RPH3A: variants seen among roughly 807,000 people sequenced by gnomAD.
RPH3A encodes the protein rabphilin 3A.
A neutral mutation model predicts 102.2 loss-of-function variants in RPH3A; 48 were observed. The observed-to-expected ratio is 0.47, with a 90% confidence interval of 0.37 to 0.60. The LOEUF (loss-of-function observed/expected upper bound fraction) is 0.60, where lower values mean the gene tolerates loss of function less well. Ranked by LOEUF, RPH3A falls within the 20% of genes least tolerant of loss-of-function variation. RPH3A has a pLI of 0.00. For synonymous variants in RPH3A, 310 were observed against 324.3 expected, an observed-to-expected ratio of 0.96 and a Z score of 0.47; for missense variants, 781 against 910.1, an observed-to-expected ratio of 0.86 and a Z score of 1.83.
intron 2 of RPH3A, among the ~76,000 whole-genome samples, chr12:112,798,076 A>T (rs530991759): frequency 6.6e-6 from 1 of 152,236 alleles, no homozygotes; most frequent in African/African-American, 2.4e-5. Flanking sequence ...AGGCTGCTGT[A>T]TGCAATGTCA....
intron 1 of RPH3A, among the ~76,000 whole-genome samples, chr12:112,648,029 T>C (rs920285811): frequency 6.6e-6 from 1 of 152,158 alleles, no homozygotes; most frequent in African/African-American, 2.4e-5. Flanking sequence ...AAAAATCAAT[T>C]TGGTTTTCTT....
intron 1 of RPH3A, among the ~76,000 whole-genome samples, chr12:112,714,356 A>C (rs1023496728): frequency 6.6e-6 from 1 of 152,150 alleles, no homozygotes; most frequent in Non-Finnish European, 1.5e-5. Flanking sequence ...GTCAGAAGAC[A>C]TACAGGTTAC....
At chr12:112,716,552 G>T (rs1176970593) in intron 1 of RPH3A, among the ~76,000 whole-genome samples, 1 of 152,166 alleles carries the variant, frequency 6.6e-6, no homozygotes, top group Non-Finnish European at 1.5e-5. Flanking sequence ...CAAGGCATTG[G>T]CTCTAGTTCT....
At chr12:112,638,370 A>G (rs1259226792) in intron 1 of RPH3A, among the ~76,000 whole-genome samples, 1 of 152,198 alleles carries the variant, frequency 6.6e-6, no homozygotes, top group East Asian at 1.9e-4. Context: ...GAAGATAGCT[A>G]CTTGGCACCA....
At chr12:112,677,383 C>T (rs1167738734) in intron 1 of RPH3A, among the ~76,000 whole-genome samples, 10 of 65,834 alleles carry the variant, frequency 1.5e-4, no homozygotes, top group Non-Finnish European at 1.9e-4. Context: ...CCCTTCCTCC[C>T]TCCCTCCCTC....
At chr12:112,637,797 A>T (rs1845717339) in intron 1 of RPH3A, among the ~76,000 whole-genome samples, 3 of 152,142 alleles carry the variant, frequency 2.0e-5, no homozygotes. Flanking sequence ...AGTGATAAAG[A>T]GAGCCCGAAG....
At chr12:112,800,220 C>T (rs1316385236) in intron 2 of RPH3A, among the ~76,000 whole-genome samples, 2 of 152,166 alleles carry the variant, frequency 1.3e-5, no homozygotes, top group Admixed American at 6.5e-5. Context: ...CTTATAAAAA[C>T]AGCAGCCAGT....
At chr12:112,755,296 TATACACACACAC>T (rs936691356) in intron 1 of RPH3A, among the ~76,000 whole-genome samples, 15 of 95,150 alleles carry the variant, frequency 1.6e-4, no homozygotes, top group South Asian at 4.4e-4. Flanking sequence ...TATATATGTA[TATACACACACAC>T]ACACACACAC....
chr12:112,651,895 G>A (rs1038060410), intron 1 of RPH3A: 1 of 152,092 alleles, frequency 6.6e-6, no homozygotes, highest in African/African-American at 2.4e-5. Flanking sequence ...ATGTTTTACG[G>A]GTTCCATGTT....
At chr12:112,647,810 T>A (rs1367394349) in intron 1 of RPH3A, among the ~76,000 whole-genome samples, 2 of 151,932 alleles carry the variant, frequency 1.3e-5, no homozygotes, top group Non-Finnish European at 2.9e-5. Flanking sequence ...GCAAGGAGGG[T>A]GGTGGGTGCA....
At chr12:112,706,537 C>G (rs557053033) in intron 1 of RPH3A, among the ~76,000 whole-genome samples, 7 of 152,244 alleles carry the variant, frequency 4.6e-5, no homozygotes, top group Admixed American at 2.6e-4. Context: ...CTGGAGAAAC[C>G]CTGCCCCAAA....
At chr12:112,801,745 C>T (rs913188272) in intron 2 of RPH3A, among the ~76,000 whole-genome samples, 1 of 152,088 alleles carries the variant, frequency 6.6e-6, no homozygotes, top group East Asian at 1.9e-4. Context: ...GATCCTTGCC[C>T]GCCTCTTCCT....
intron 1 of RPH3A, among the ~76,000 whole-genome samples, chr12:112,776,448 T>C (rs1264709725): frequency 6.6e-6 from 1 of 152,188 alleles, no homozygotes; most frequent in Non-Finnish European, 1.5e-5. Flanking sequence ...GGGAACTGGC[T>C]GGTCTAAGAT....
intron 1 of RPH3A, among the ~76,000 whole-genome samples, chr12:112,657,151 G>C (rs539193713): frequency 6.6e-6 from 1 of 152,062 alleles, no homozygotes; most frequent in South Asian, 2.1e-4. Context: ...GTGTAAGATG[G>C]GATCTCATTG....
intron 1 of RPH3A, among the ~76,000 whole-genome samples, chr12:112,619,246 CTGTGTGTGTGTGTGTGTGTGTGTGTG>C (rs60894997): frequency 1.0e-4 from 13 of 125,366 alleles, no homozygotes; most frequent in South Asian, 3.0e-4. Flanking sequence ...TATGGTAATT[CTGTGTGTGTGTGTGTGTGTGTGTGTG>C]TGTGTGTGTG....
intron 1 of RPH3A, among the ~76,000 whole-genome samples, chr12:112,730,113 C>T (rs1370658448): frequency 1.3e-5 from 2 of 152,222 alleles, no homozygotes; most frequent in Admixed American, 6.5e-5. Flanking sequence ...TGGCAACCAC[C>T]AGATGGAACA....
rs77775428 is a variant in RPH3A at position 112,694,460 on chromosome 12, C to T, written c.-139-97683C>T. On this transcript the variant is annotated intron_variant, in intron 1 of 21. Transcript: ENST00000543106. ...CCCAAGTGGGACCTCTTATTTCTTCCAAGTGACACTCTTACCACTGGCTGG... is the reference window on the plus strand; with the variant it reads ...CCCAAGTGGGACCTCTTATTTCTTCTAAGTGACACTCTTACCACTGGCTGG... Among the ~76,000 whole-genome samples the T allele has an allele frequency of 2.3e-3, 347 of 152,138 alleles. 3 individuals carry two copies. The highest frequency in any genetic ancestry group is 0.014 in the Middle Eastern group (4 of 294).
At chr12:112,719,893 C>T (rs1298761519) in intron 1 of RPH3A, among the ~76,000 whole-genome samples, 1 of 152,180 alleles carries the variant, frequency 6.6e-6, no homozygotes, top group Non-Finnish European at 1.5e-5. Context: ...GTTTTTCTAT[C>T]TTTATTCATT....
intron 1 of RPH3A, among the ~76,000 whole-genome samples, chr12:112,685,037 T>C (rs541473423): frequency 6.6e-6 from 1 of 152,290 alleles, no homozygotes; most frequent in African/African-American, 2.4e-5. Flanking sequence ...TGCAATCTTC[T>C]AGCCTCAGCC....
Sources: allele counts gnomAD v4.1 joint callset (sites outside exome capture counted in the v4.1 genomes callset), GRCh38; gene constraint gnomAD v4.1.1; transcripts MANE v1.5; gene names NCBI Gene and HGNC (gene_info 2026-07-23, HGNC 2026-07-21).